Variants in PPP4R3A observed in about 807,000 individuals in gnomAD.
PPP4R3A encodes serine/threonine-protein phosphatase 4 regulatory subunit 3A.
In PPP4R3A, 15 loss-of-function variants were observed where a neutral mutation model predicts 91.7. The ratio of observed to expected loss-of-function variants is 0.16; its 90% CI spans 0.11 to 0.25. The LOEUF is 0.25. PPP4R3A is among the 10% of genes least tolerant of loss of function. The pLI, the probability that PPP4R3A is intolerant of heterozygous loss-of-function variation, is 1.00. For synonymous variants in PPP4R3A, 377 were observed against 348.7 expected, an observed-to-expected ratio of 1.08 and a Z score of -0.91; for missense variants, 623 against 998.4, an observed-to-expected ratio of 0.62 and a Z score of 5.07.
In PPP4R3A at chr14:91,481,683, T is replaced by C; in HGVS notation, c.808A>G (p.Ile270Val). Residue 270 changes from isoleucine to valine, a missense_variant, in exon 4 of 15, where the codon ATA (isoleucine) becomes GTA (valine). Ile to Val is a conservative substitution (Grantham distance 29, BLOSUM62 3). This residue lies in a region of PPP4R3A where 264 missense variants were observed against 377.3 expected (regional missense o/e 0.70). Transcript: ENST00000554943. ...GGAGTTGGTAGAACCATATCTTGTA[T>C]ATACTGAACTCTGTATGTCTGATGA... ...KIHQTYRVQY[I>V]QDMVLPTPSV... 6.2e-7 allele frequency: 1 copy of C among 1,614,028 alleles called. No homozygotes were observed. The highest frequency in any genetic ancestry group is 8.5e-7 in the Non-Finnish European group (1 of 1,179,986).
intron 3 of PPP4R3A, among the ~76,000 whole-genome samples, chr14:91,484,321 T>C (rs1182240440): frequency 2.0e-5 from 3 of 152,210 alleles, no homozygotes; most frequent in Non-Finnish European, 2.9e-5. Flanking sequence ...ATATCTTCTA[T>C]GAATGCTATA....
intron 1 of PPP4R3A, among the ~76,000 whole-genome samples, chr14:91,506,047 A>C (rs975852096): frequency 6.6e-6 from 1 of 151,636 alleles, no homozygotes; most frequent in African/African-American, 2.4e-5. Flanking sequence ...CTGTGTTCAC[A>C]CCATTCTCCT....
chr14:91,495,330 T>TGTGTGTGTGTGTGTG (rs1555437585), intron 1 of PPP4R3A, among the ~76,000 whole-genome samples: 2 of 25,722 alleles, frequency 7.8e-5, no homozygotes, highest in African/African-American at 1.5e-4. Context: ...GTGTGTATGT[T>TGTGTGTGTGTGTGTG]TTTTTTTAGA....
chr14:91,465,662 C>T (rs972233429), intron 10 of PPP4R3A, among the ~76,000 whole-genome samples: 1 of 152,040 alleles, frequency 6.6e-6, no homozygotes, highest in African/African-American at 2.4e-5. Context: ...CCAGAAAAAT[C>T]CTGAAAATAA....
intron 1 of PPP4R3A, among the ~76,000 whole-genome samples, chr14:91,492,750 G>A (rs1403280364): frequency 6.6e-6 from 1 of 152,066 alleles, no homozygotes; most frequent in Non-Finnish European, 1.5e-5. Context: ...GGCTTAGGAC[G>A]CTCAGATAAG....
chr14:91,466,963 A>ACACACACACACACACC (rs748633169), intron 10 of PPP4R3A, among the ~76,000 whole-genome samples: 65 of 150,188 alleles, frequency 4.3e-4, no homozygotes, highest in Non-Finnish European at 8.1e-4. Context: ...ACACACACAC[A>ACACACACACACACACC]CCCCTCTTGT....
intron 1 of PPP4R3A, among the ~76,000 whole-genome samples, chr14:91,501,871 A>ATTTTTT (rs755484959): frequency 2.1e-4 from 21 of 100,230 alleles, no homozygotes; most frequent in Admixed American, 3.7e-4. Context: ...AGCCCGGCTA[A>ATTTTTT]TTTTTTTTTT....
chr14:91,481,190 G>A (rs1423255317), intron 4 of PPP4R3A, among the ~76,000 whole-genome samples: 1 of 152,176 alleles, frequency 6.6e-6, no homozygotes, highest in African/African-American at 2.4e-5. Flanking sequence ...AAATTGGCTG[G>A]GGGTGGTGGT....
chr14:91,486,965 G>A (rs888541589), intron 2 of PPP4R3A, among the ~76,000 whole-genome samples: 1 of 149,830 alleles, frequency 6.7e-6, no homozygotes, highest in Non-Finnish European at 1.5e-5. Context: ...ATATCCTTTT[G>A]GCAGGGTGCG....
At chr14:91,495,302 A>ATATGTGTGTGTGTGTGTG (rs1555437567) in intron 1 of PPP4R3A, among the ~76,000 whole-genome samples, 1 of 140,870 alleles carries the variant, frequency 7.1e-6, no homozygotes, top group Admixed American at 7.2e-5. Context: ...CAGATACATA[A>ATATGTGTGTGTGTGTGTG]TGTGTGTGTG....
At chr14:91,461,969 T>TA (rs942182490) in intron 13 of PPP4R3A, 80 bp downstream of exon 13, 20 of 1,414,774 alleles carry the variant, frequency 1.4e-5, no homozygotes, top group Admixed American at 6.7e-5. Flanking sequence ...TCCAAGCAAA[T>TA]AATCATTTTG....
chr14:91,476,805 T>A (rs1889235300), intron 5 of PPP4R3A, 104 bp downstream of exon 5: 1 of 926,596 alleles, frequency 1.1e-6, no homozygotes, highest in East Asian at 2.7e-5. Flanking sequence ...GACCTCGTGA[T>A]CCACCCACCT....
At chr14:91,484,123 G>A (rs1409675922) in intron 3 of PPP4R3A, among the ~76,000 whole-genome samples, 1 of 152,154 alleles carries the variant, frequency 6.6e-6, no homozygotes, top group Non-Finnish European at 1.5e-5. Context: ...AAATATAATT[G>A]TTGGATGGAA....
At chr14:91,500,850 T>C (rs1272766415) in intron 1 of PPP4R3A, among the ~76,000 whole-genome samples, 1 of 152,022 alleles carries the variant, frequency 6.6e-6, no homozygotes, top group Admixed American at 6.6e-5. Context: ...CCGGGCAACA[T>C]GGCAAACCCT....
At chr14:91,464,564 C>T (rs1888365505) in intron 11 of PPP4R3A, among the ~76,000 whole-genome samples, 2 of 152,064 alleles carry the variant, frequency 1.3e-5, no homozygotes, top group South Asian at 4.1e-4. Context: ...AGCTGGGCAA[C>T]ATAGCAAAAC....
At chr14:91,482,564 C>A (rs1021023957) in intron 3 of PPP4R3A, among the ~76,000 whole-genome samples, 1 of 152,058 alleles carries the variant, frequency 6.6e-6, no homozygotes, top group Non-Finnish European at 1.5e-5. Flanking sequence ...TTCCAGCAGA[C>A]CAAGGCAAGT....
intron 10 of PPP4R3A, among the ~76,000 whole-genome samples, chr14:91,468,480 A>C (rs1317417645): frequency 6.6e-6 from 1 of 151,684 alleles, no homozygotes; most frequent in African/African-American, 2.4e-5. Context: ...GACCAGCCTG[A>C]CCAACATGGT....
intron 10 of PPP4R3A, among the ~76,000 whole-genome samples, 195 bp downstream of exon 10, chr14:91,470,642 T>C (rs28573918): frequency 0.024 from 3,635 of 152,276 alleles, 147 homozygotes; most frequent in African/African-American, 0.083. Flanking sequence ...TTCTACTCCC[T>C]TACTGTATAT....
intron 1 of PPP4R3A, among the ~76,000 whole-genome samples, chr14:91,502,916 C>T (rs1891050372): frequency 6.6e-6 from 1 of 152,206 alleles, no homozygotes. Flanking sequence ...ATAAGGAGCA[C>T]AAATATGATT....
Sources: gnomAD v4.1 joint callset for allele counts (sites outside exome capture counted in the v4.1 genomes callset) on GRCh38, gnomAD v4.1.1 for gene constraint, gnomAD v4.1.1 regional missense constraint, MANE v1.5 for transcripts, NCBI Gene and HGNC (gene_info 2026-07-23, HGNC 2026-07-21) for gene names.